SOX6: variants seen among roughly 807,000 people sequenced by gnomAD.
SOX6 encodes the protein transcription factor SOX-6.
A neutral mutation model predicts 97.8 loss-of-function variants in SOX6; 11 were observed. The ratio of observed to expected loss-of-function variants is 0.11; its 90% confidence interval spans 0.07 to 0.19. The LOEUF (loss-of-function observed/expected upper bound fraction) is 0.19, where lower values mean the gene tolerates loss of function less well. SOX6 is among the 10% of genes least tolerant of loss of function. SOX6 has a pLI of 1.00. For synonymous variants in SOX6, 360 were observed against 371.4 expected, an observed-to-expected ratio of 0.97 and a Z score of 0.35; for missense variants, 810 against 1,039.5, an observed-to-expected ratio of 0.78 and a Z score of 3.04.
chr11:15,979,932 T>G (rs1853610859), intron 15 of SOX6, among the ~76,000 whole-genome samples: 1 of 152,106 alleles, frequency 6.6e-6, no homozygotes, highest in African/African-American at 2.4e-5. Context: ...ATTCTATCAC[T>G]AGAATATAAG....
intron 3 of SOX6, among the ~76,000 whole-genome samples, chr11:16,684,787 GAAGA>G (rs964377551): frequency 3.9e-5 from 6 of 151,912 alleles, no homozygotes; most frequent in African/African-American, 9.7e-5. Flanking sequence ...AAAAAAAAGA[GAAGA>G]AATATCTGAA....
chr11:16,105,178 T>G (rs540570557), intron 7 of SOX6, among the ~76,000 whole-genome samples: 1 of 151,736 alleles, frequency 6.6e-6, no homozygotes, highest in South Asian at 2.1e-4. Context: ...AATGGCAAAT[T>G]AAAAGAATTA....
intron 4 of SOX6, among the ~76,000 whole-genome samples, chr11:16,229,778 A>G (rs1349589296): frequency 6.6e-6 from 1 of 151,920 alleles, no homozygotes; most frequent in Non-Finnish European, 1.5e-5. Context: ...TCTCCAAAGA[A>G]AATTCTAGGC....
intron 4 of SOX6, among the ~76,000 whole-genome samples, chr11:16,606,430 C>T (rs1419984866): frequency 6.6e-6 from 1 of 152,144 alleles, no homozygotes; most frequent in Non-Finnish European, 1.5e-5. Flanking sequence ...CCATCTGAAC[C>T]TTCAAAGCCG....
chr11:16,677,736 C>A (rs1247437204), intron 3 of SOX6, among the ~76,000 whole-genome samples: 2 of 152,020 alleles, frequency 1.3e-5, no homozygotes, highest in Non-Finnish European at 2.9e-5. Flanking sequence ...CCTCATCTAC[C>A]CCCATCATAA....
chr11:16,002,163 G>A (rs530567939), intron 13 of SOX6, among the ~76,000 whole-genome samples: 2 of 152,270 alleles, frequency 1.3e-5, no homozygotes, highest in East Asian at 1.9e-4. Context: ...ACACACGACC[G>A]GAGTGGCGCA....
chr11:16,215,922 C>T (rs10766302), intron 4 of SOX6, among the ~76,000 whole-genome samples: 72,633 of 151,954 alleles, frequency 0.48, 17,537 homozygotes, highest in South Asian at 0.61. Context: ...GAAAAGTGCA[C>T]GAGGAAATGT....
chr11:16,645,682 G>A (rs1001982306), intron 3 of SOX6, among the ~76,000 whole-genome samples: 2 of 152,222 alleles, frequency 1.3e-5, no homozygotes, highest in African/African-American at 4.8e-5. Context: ...TGGGAATTAT[G>A]CAGCTGCAAG....
intron 1 of SOX6, among the ~76,000 whole-genome samples, chr11:16,417,249 T>C (rs989480333): frequency 2.2e-4 from 34 of 152,162 alleles, no homozygotes; most frequent in African/African-American, 8.0e-4. Context: ...TGTAACTGCA[T>C]TGCCTCCTAA....
chr11:15,989,287 T>C, intron 13 of SOX6, 57 bp from the exon 14 acceptor site: 1 of 1,444,662 alleles, frequency 6.9e-7, no homozygotes. Context: ...TTGTGGATAA[T>C]GTCACACAGC....
At chr11:16,166,696 A>G (rs1465461882) in intron 6 of SOX6, among the ~76,000 whole-genome samples, 1 of 152,192 alleles carries the variant, frequency 6.6e-6, no homozygotes, top group African/African-American at 2.4e-5. Context: ...ACCTTGACTG[A>G]GTCAGGGGAA....
chr11:16,057,350 TTTTTA>T (rs1847842373), intron 9 of SOX6, among the ~76,000 whole-genome samples: 1 of 152,186 alleles, frequency 6.6e-6, no homozygotes, highest in Non-Finnish European at 1.5e-5. Flanking sequence ...ATTTCTCAAC[TTTTTA>T]TTTTGTTAGA....
chr11:16,521,678 T>C (rs1200293537), intron 4 of SOX6, among the ~76,000 whole-genome samples: 1 of 152,086 alleles, frequency 6.6e-6, no homozygotes, highest in Non-Finnish European at 1.5e-5. Flanking sequence ...ATCAAACTAC[T>C]CCGAGCTACA....
chr11:16,334,619 G>A (rs762287921), intron 2 of SOX6, among the ~76,000 whole-genome samples: 3 of 151,888 alleles, frequency 2.0e-5, no homozygotes, highest in Non-Finnish European at 4.4e-5. Context: ...GTAGAGATGG[G>A]GTTTCACCAT....
intron 1 of SOX6, among the ~76,000 whole-genome samples, chr11:16,454,449 T>C (rs531910392): frequency 6.6e-6 from 1 of 152,114 alleles, no homozygotes; most frequent in South Asian, 2.1e-4. Flanking sequence ...CAAGCCATAT[T>C]TATTATTGTG....
chr11:16,209,089 C>A (rs983856526), intron 4 of SOX6, among the ~76,000 whole-genome samples: 5 of 152,100 alleles, frequency 3.3e-5, no homozygotes, highest in Non-Finnish European at 7.4e-5. Flanking sequence ...TCCTCTTAAG[C>A]CTGAAATACA....
chr11:16,612,604 A>G (rs1028725174), intron 3 of SOX6, among the ~76,000 whole-genome samples: 2 of 151,282 alleles, frequency 1.3e-5, no homozygotes, highest in Admixed American at 1.3e-4. Context: ...GAGTGGGGGG[A>G]TGGCGATGAA....
At chr11:16,033,729 G>A (rs573371806) in intron 12 of SOX6, among the ~76,000 whole-genome samples, 4 of 152,108 alleles carry the variant, frequency 2.6e-5, no homozygotes, top group East Asian at 3.9e-4. Flanking sequence ...AAAATTAGCC[G>A]GGCATGGTGG....
At chr11:16,117,472 G>A (rs901400935) in intron 6 of SOX6, among the ~76,000 whole-genome samples, 1 of 152,202 alleles carries the variant, frequency 6.6e-6, no homozygotes, top group African/African-American at 2.4e-5. Flanking sequence ...CCCAATGCAA[G>A]TGATATTAGC....
Sources: allele counts gnomAD v4.1 joint callset (sites outside exome capture counted in the v4.1 genomes callset), GRCh38; gene constraint gnomAD v4.1.1; transcripts MANE v1.5; gene names NCBI Gene and HGNC (gene_info 2026-07-23, HGNC 2026-07-21).